The following TENM3 variants were observed in gnomAD, a reference collection of about 807,000 sequenced individuals.
TENM3 encodes teneurin-3.
Under a neutral mutation model 255.1 loss-of-function variants are expected in TENM3, and 63 were observed. That is an observed-to-expected ratio of 0.25 (90% confidence interval 0.20 to 0.30). The LOEUF (loss-of-function observed/expected upper bound fraction) is 0.30. TENM3 is among the 10% of genes least tolerant of loss of function. TENM3 has a pLI of 1.00. For synonymous variants in TENM3, 1,306 were observed against 1,322.3 expected (o/e 0.99, Z 0.27); for missense variants, 2,929 against 3,461.1 (o/e 0.85, Z 3.86).
At chr4:182,140,067 A>G (rs938055148), upstream of TENM3, among the ~76,000 whole-genome samples, 1 of 152,250 alleles carries the variant, frequency 6.6e-6, no homozygotes. Flanking sequence ...CCCTCAATCT[A>G]ACAGCCAAGG....
intron 26 of TENM3, among the ~76,000 whole-genome samples, chr4:182,796,282 A>G (rs1057214689): frequency 2.0e-5 from 3 of 152,228 alleles, no homozygotes; most frequent in Non-Finnish European, 4.4e-5. Context: ...CAACTACAAA[A>G]TAAATTTCGT....
chr4:181,548,938 CAG>C, the TENM3 span, among the ~76,000 whole-genome samples: 1 of 152,146 alleles, frequency 6.6e-6, no homozygotes, highest in Non-Finnish European at 1.5e-5. Context: ...AAGGTAAAAA[CAG>C]AAGGTAACTG....
At chr4:182,676,250 T>C (rs1034910368) in intron 7 of TENM3, among the ~76,000 whole-genome samples, 4 of 152,260 alleles carry the variant, frequency 2.6e-5, no homozygotes, top group Admixed American at 6.5e-5. Context: ...TTCTCCCTGA[T>C]GCCAGTTCAT....
chr4:182,758,803 T>A (rs960106176), intron 22 of TENM3, among the ~76,000 whole-genome samples: 2 of 152,116 alleles, frequency 1.3e-5, no homozygotes, highest in Non-Finnish European at 2.9e-5. Flanking sequence ...CATCCCCCAC[T>A]GAAAAACACC....
At chr4:182,565,617 A>T (rs1239655345) in intron 3 of TENM3, among the ~76,000 whole-genome samples, 1 of 152,324 alleles carries the variant, frequency 6.6e-6, no homozygotes, top group African/African-American at 2.4e-5. Flanking sequence ...CAAACTTTCT[A>T]TCTTAAATCA....
At chr4:181,555,859 G>A in the TENM3 span, among the ~76,000 whole-genome samples, 10 of 152,200 alleles carry the variant, frequency 6.6e-5, no homozygotes, top group African/African-American at 2.4e-4. Flanking sequence ...CCAGAACTCA[G>A]TTGGGTGACC....
chr4:182,662,881 C>T (rs1186946142), intron 6 of TENM3, among the ~76,000 whole-genome samples: 4 of 152,094 alleles, frequency 2.6e-5, no homozygotes, highest in African/African-American at 9.7e-5. Context: ...TTGACTTGTC[C>T]AAATGAGAGA....
At chr4:182,146,573 A>AT (rs1207446194) in intron 1 of TENM3, among the ~76,000 whole-genome samples, 5 of 152,100 alleles carry the variant, frequency 3.3e-5, no homozygotes, top group Admixed American at 2.6e-4. Flanking sequence ...TTAATCAAAG[A>AT]TTTTTTTCTA....
At chr4:181,596,978 T>C in the TENM3 span, among the ~76,000 whole-genome samples, 1 of 152,062 alleles carries the variant, frequency 6.6e-6, no homozygotes, top group Non-Finnish European at 1.5e-5. Flanking sequence ...AAATAACTAT[T>C]TGGTAGTACT....
At chr4:182,389,306 C>T (rs1299052580) in intron 3 of TENM3, among the ~76,000 whole-genome samples, 2 of 151,214 alleles carry the variant, frequency 1.3e-5, no homozygotes, top group African/African-American at 4.9e-5. Flanking sequence ...AGAAAGTACA[C>T]ATTGATACAA....
At chr4:182,590,641 C>T (rs746277795) in intron 3 of TENM3, among the ~76,000 whole-genome samples, 3 of 150,886 alleles carry the variant, frequency 2.0e-5, no homozygotes, top group Admixed American at 2.0e-4. Context: ...AGGTGGATCA[C>T]GAGATGAAGA....
the TENM3 span, among the ~76,000 whole-genome samples, chr4:181,875,289 T>C: frequency 1.3e-5 from 2 of 152,334 alleles, no homozygotes; most frequent in South Asian, 2.1e-4. Flanking sequence ...CTGGCTATCC[T>C]ATTTATAAAT....
At chr4:182,361,653 C>T (rs1460472599) in intron 3 of TENM3, among the ~76,000 whole-genome samples, 2 of 151,662 alleles carry the variant, frequency 1.3e-5, no homozygotes, top group Non-Finnish European at 2.9e-5. Context: ...AACTTCTTTA[C>T]CTTTGGTTTG....
chr4:182,042,385 A>G, the TENM3 span, among the ~76,000 whole-genome samples: 1 of 152,136 alleles, frequency 6.6e-6, no homozygotes, highest in Admixed American at 6.5e-5. Context: ...GGAAGCTACA[A>G]AAGAATTTAC....
At chr4:181,540,211 C>G in the TENM3 span, among the ~76,000 whole-genome samples, 10 of 152,026 alleles carry the variant, frequency 6.6e-5, no homozygotes, top group African/African-American at 2.4e-4. Context: ...AAAGCTGAAG[C>G]AATTGGAGCA....
the TENM3 span, among the ~76,000 whole-genome samples, chr4:181,798,651 C>T: frequency 6.6e-6 from 1 of 152,150 alleles, no homozygotes; most frequent in East Asian, 1.9e-4. Flanking sequence ...GATTGCTTCA[C>T]GTATCTCTGG....
the TENM3 span, among the ~76,000 whole-genome samples, chr4:181,655,073 G>A: frequency 6.6e-6 from 1 of 152,200 alleles, no homozygotes; most frequent in South Asian, 2.1e-4. Context: ...CATTTTGGGA[G>A]GAAGCCCTGG....
intron 3 of TENM3, among the ~76,000 whole-genome samples, chr4:182,444,847 C>G (rs1772780507): frequency 6.6e-6 from 1 of 152,142 alleles, no homozygotes; most frequent in African/African-American, 2.4e-5. Context: ...GCTGCCCAGG[C>G]TGGAATGCAA....
At chr4:182,721,548 G>A (rs1436266908) in intron 13 of TENM3, among the ~76,000 whole-genome samples, 1 of 152,168 alleles carries the variant, frequency 6.6e-6, no homozygotes, top group Non-Finnish European at 1.5e-5. Context: ...GTGTGTGTGT[G>A]TGAGTGTGTA....
Sources: gnomAD v4.1 joint callset for allele counts (sites outside exome capture counted in the v4.1 genomes callset) on GRCh38, gnomAD v4.1.1 for gene constraint, MANE v1.5 for transcripts, NCBI Gene and HGNC (gene_info 2026-07-23, HGNC 2026-07-21) for gene names.